OPCML: variants seen among roughly 807,000 people sequenced by gnomAD.
OPCML encodes the protein opioid binding protein/cell adhesion molecule like, also known as opioid-binding protein/cell adhesion molecule.
A neutral mutation model predicts 37.8 loss-of-function variants in OPCML; 13 were observed. The ratio of observed to expected loss-of-function variants is 0.34; its 90% confidence interval spans 0.22 to 0.55. The LOEUF is 0.55. OPCML is among the 20% of genes least tolerant of loss of function. The pLI, the probability that OPCML is intolerant of heterozygous loss-of-function variation, is 0.91. For missense variants in OPCML, 341 were observed against 435.6 expected (o/e 0.78, Z 1.93); for synonymous variants, 176 against 168.8 (o/e 1.04, Z -0.33).
chr11:133,523,743 G>A (rs531806845), intron 1 of OPCML, among the ~76,000 whole-genome samples: 1 of 152,286 alleles, frequency 6.6e-6, no homozygotes, highest in South Asian at 2.1e-4. Context: ...CTCCAGTCAG[G>A]TGGGAGAATG....
At chr11:132,748,540 G>T (rs1329873914) in intron 2 of OPCML, among the ~76,000 whole-genome samples, 1 of 152,182 alleles carries the variant, frequency 6.6e-6, no homozygotes, top group Non-Finnish European at 1.5e-5. Context: ...GTGAAGCAAG[G>T]AGCCTGAGTG....
intron 1 of OPCML, among the ~76,000 whole-genome samples, chr11:132,957,507 T>C (rs1198680702): frequency 6.6e-6 from 1 of 152,164 alleles, no homozygotes; most frequent in Non-Finnish European, 1.5e-5. Flanking sequence ...TATTTATTTA[T>C]AAATAAACAA....
Position 133,212,238 on chromosome 11 carries a change from C to T in OPCML, c.62-269228G>A, listed in dbSNP as rs1447946076. On this transcript the variant is annotated intron_variant, in intron 1 of 7. Coordinates refer to ENST00000524381, the MANE Select transcript of OPCML (RefSeq NM_001012393.5). The surrounding 1 kb of genome is among the most constrained non-coding windows in gnomAD (Gnocchi z 4.9). ...AAAAGCAATTTTTCCTGCCCACCAC[C>T]CCGATAGGTGCACAAAGTCCTCCTA... Among the ~76,000 whole-genome samples, 1 of 152,118 alleles carries T rather than the reference C, an allele frequency of 6.6e-6. No individual in the cohort carries two copies. The highest frequency in any genetic ancestry group is 2.4e-5 in the African/African-American group (1 of 41,420).
chr11:132,953,871 C>T (rs1206783985), intron 1 of OPCML, among the ~76,000 whole-genome samples: 1 of 152,134 alleles, frequency 6.6e-6, no homozygotes, highest in East Asian at 1.9e-4. Context: ...AAAGAACGAG[C>T]AAAATGTATG....
intron 7 of OPCML, among the ~76,000 whole-genome samples, chr11:132,424,122 C>G (rs1265667213): frequency 7.5e-6 from 1 of 132,788 alleles, no homozygotes. Context: ...ATACTAGAGG[C>G]AGTTTTTTTT....
At chr11:133,121,274 A>C (rs577853910) in intron 1 of OPCML, among the ~76,000 whole-genome samples, 1 of 152,264 alleles carries the variant, frequency 6.6e-6, no homozygotes, top group South Asian at 2.1e-4. Context: ...CATTTCAATT[A>C]ATCTATAACT....
intron 1 of OPCML, among the ~76,000 whole-genome samples, chr11:133,366,986 T>A (rs1034136472): frequency 6.7e-6 from 1 of 150,344 alleles, no homozygotes; most frequent in Non-Finnish European, 1.5e-5. Context: ...ATGCACTTTC[T>A]TTTTTTTTGG....
At chr11:132,599,703 A>G (rs1403995940) in intron 3 of OPCML, among the ~76,000 whole-genome samples, 2 of 152,294 alleles carry the variant, frequency 1.3e-5, no homozygotes, top group East Asian at 3.9e-4. Flanking sequence ...TATTTTTTAC[A>G]TGAATGGAAT....
chr11:133,532,355 C>T lies in OPCML; in HGVS notation c.-31G>A, dbSNP rs780665015. On this transcript the variant is annotated 5_prime_UTR_variant, in exon 1 of 8. Coordinates refer to ENST00000524381, the MANE Select transcript of OPCML (RefSeq NM_001012393.5). ...CGCTGCGGTGCTCTCAGCTGCCGGG[C>T]TTGCTACTGCTTCTGCTGCTGCTAC... 9 of 1,608,114 alleles carry T rather than the reference C, an allele frequency of 5.6e-6. No individual in the cohort carries two copies. In the South Asian group the frequency reaches 1.0e-4, roughly 18 times the overall value.
At chr11:132,747,581 G>A (rs990129217) in intron 2 of OPCML, among the ~76,000 whole-genome samples, 1 of 152,096 alleles carries the variant, frequency 6.6e-6, no homozygotes, top group Non-Finnish European at 1.5e-5. Context: ...ACTGGGAGAC[G>A]GCATCGTGAA....
At chr11:132,958,382 T>G (rs1254902131) in intron 1 of OPCML, among the ~76,000 whole-genome samples, 1 of 152,180 alleles carries the variant, frequency 6.6e-6, no homozygotes, top group East Asian at 1.9e-4. Flanking sequence ...GAAACCATTT[T>G]TATAACATAG....
At chr11:133,083,707 G>A (rs973998427) in intron 1 of OPCML, among the ~76,000 whole-genome samples, 2 of 152,186 alleles carry the variant, frequency 1.3e-5, no homozygotes, top group African/African-American at 4.8e-5. Context: ...CCTCGCCACT[G>A]GGGAGAGACC....
At chr11:132,519,048 G>A (rs1396271538) in intron 4 of OPCML, among the ~76,000 whole-genome samples, 5 of 152,142 alleles carry the variant, frequency 3.3e-5, no homozygotes. Context: ...TTCTGTGCAA[G>A]CCTAATTTCC....
chr11:133,488,805 C>G (rs61912407), intron 1 of OPCML, among the ~76,000 whole-genome samples: 3 of 152,072 alleles, frequency 2.0e-5, no homozygotes, highest in Non-Finnish European at 4.4e-5. Context: ...AAGCATCACA[C>G]TACATGACTT....
chr11:133,496,643 T>G (rs957109720), intron 1 of OPCML, among the ~76,000 whole-genome samples: 1 of 152,230 alleles, frequency 6.6e-6, no homozygotes, highest in Non-Finnish European at 1.5e-5. Flanking sequence ...TCCTAAGTAT[T>G]TTATAGCTTT....
chr11:133,081,328 G>A (rs1233015010), intron 1 of OPCML, among the ~76,000 whole-genome samples: 2 of 152,144 alleles, frequency 1.3e-5, no homozygotes, highest in East Asian at 1.9e-4. Context: ...GCGGCATCCT[G>A]CTGATCATTT....
At chr11:133,232,983 C>T (rs1177129804) in intron 1 of OPCML, among the ~76,000 whole-genome samples, 1 of 152,172 alleles carries the variant, frequency 6.6e-6, no homozygotes, top group Non-Finnish European at 1.5e-5. Context: ...TAAATAACAC[C>T]TGCTTCCACT....
At chr11:132,846,031 C>T (rs1941521573) in intron 2 of OPCML, among the ~76,000 whole-genome samples, 1 of 152,134 alleles carries the variant, frequency 6.6e-6, no homozygotes, top group South Asian at 2.1e-4. Flanking sequence ...ACCATCACTC[C>T]TTTACAGTGC....
chr11:133,471,065 C>T (rs1371621493), intron 1 of OPCML, among the ~76,000 whole-genome samples: 1 of 152,168 alleles, frequency 6.6e-6, no homozygotes, highest in Non-Finnish European at 1.5e-5. Flanking sequence ...GATCCCTGTC[C>T]TTGAAGACAT....
Sources: gnomAD v4.1 joint callset for allele counts (sites outside exome capture counted in the v4.1 genomes callset) on GRCh38, gnomAD v4.1.1 for gene constraint, Gnocchi (gnomAD v3.1) non-coding constraint, MANE v1.5 for transcripts, NCBI Gene and HGNC (gene_info 2026-07-23, HGNC 2026-07-21) for gene names.